The following SEMA5A variants were observed in gnomAD, a reference collection of about 807,000 sequenced individuals.
SEMA5A encodes the protein semaphorin-5A.
SEMA5A carries 55 observed loss-of-function variants against 135.5 expected under a neutral mutation model. The observed-to-expected ratio is 0.41, with a 90% CI of 0.33 to 0.51. The LOEUF is 0.51. Among genes scored for constraint, SEMA5A ranks in the 20% least tolerant of loss-of-function variants. SEMA5A has a pLI of 0.37. For synonymous variants in SEMA5A, 580 were observed against 546.5 expected (o/e 1.06, Z -0.85); for missense variants, 1,290 against 1,419.9 (o/e 0.91, Z 1.47).
At position 9,224,677 on chromosome 5, in the gene SEMA5A, T is replaced by G. The variant is rs1561042890; in HGVS notation, c.643A>C (p.Asn215His). 1 of 1,614,048 alleles carries G rather than the reference T, an allele frequency of 6.2e-7. No individual in the cohort carries two copies. Among genetic ancestry groups the G allele is most frequent in the East Asian group, 2.2e-5 (1 of 44,880 alleles). Reference sequence around the variant, plus strand: ...GAGGGAGTGACGGAAGGCTTACCATTGAGCCATTTGGAGTTGTACTGCGCC... The same window carrying G: ...GAGGGAGTGACGGAAGGCTTACCATGGAGCCATTTGGAGTTGTACTGCGCC... ...RTAQYNSKWL[N>H]EPNFVSSYDI... The change falls in exon 8 of 23, where the codon AAT (asparagine) becomes CAT (histidine). Residue 215 changes from asparagine to histidine, a missense_variant. By Grantham distance (68) the Asn-to-His change is moderately conservative. Around this residue, in one of 3 missense-constraint regions of SEMA5A, gnomAD observed 145 missense variants for 212.0 expected, o/e 0.68. Transcript: ENST00000382496.
intron 2 of SEMA5A, among the ~76,000 whole-genome samples, chr5:9,426,230 G>A (rs1757642095): frequency 6.6e-6 from 1 of 151,750 alleles, no homozygotes; most frequent in African/African-American, 2.4e-5. Flanking sequence ...GAGGTCAGGA[G>A]ATCAAGACCA....
chr5:9,270,895 C>T (rs1388952515), intron 5 of SEMA5A, among the ~76,000 whole-genome samples: 1 of 152,098 alleles, frequency 6.6e-6, no homozygotes, highest in African/African-American at 2.4e-5. Context: ...AGCCCATTGC[C>T]TATTTTCTGA....
intron 20 of SEMA5A, 64 bp from the exon 21 acceptor site, chr5:9,050,521 C>A: frequency 7.7e-7 from 1 of 1,297,018 alleles, no homozygotes. Context: ...CACATTCATG[C>A]TTCATGTATG....
chr5:9,317,321 C>G (rs995116076), intron 5 of SEMA5A, among the ~76,000 whole-genome samples: 1 of 151,870 alleles, frequency 6.6e-6, no homozygotes, highest in African/African-American at 2.4e-5. Context: ...CTCTTTTGAA[C>G]GTCTTACTTA....
At chr5:9,304,952 G>T (rs1751788988) in intron 5 of SEMA5A, among the ~76,000 whole-genome samples, 1 of 151,928 alleles carries the variant, frequency 6.6e-6, no homozygotes, top group Non-Finnish European at 1.5e-5. Flanking sequence ...TCTCCTTTTT[G>T]TCTAAATGCA....
At chr5:9,314,797 G>A (rs1168362985) in intron 5 of SEMA5A, among the ~76,000 whole-genome samples, 1 of 152,058 alleles carries the variant, frequency 6.6e-6, no homozygotes, top group Non-Finnish European at 1.5e-5. Context: ...ATATGAAAAA[G>A]CAGAATTGCC....
At position 9,459,007 on chromosome 5, in the gene SEMA5A, A is replaced by T. The variant is rs34125632; in HGVS notation, c.-174-21155T>A. ...GCCAATAATTTGATCTATTTTCACA[A>T]GAAAATATGAACCAGAATGATTTTT... On this transcript the variant is annotated intron_variant, in intron 1 of 22. Transcript: ENST00000382496. Among the ~76,000 whole-genome samples the T allele has an allele frequency of 5.3e-3, 808 of 152,326 alleles. 12 individuals carry two copies. Among genetic ancestry groups the T allele is most frequent in the African/African-American group, 0.018 (762 of 41,564 alleles).
chr5:9,305,694 C>CTG lies in SEMA5A; in HGVS notation c.270+12676_270+12677dup, dbSNP rs888490559. ...AGGATCTCAATATACAGTATATATA[C>CTG]TGTGTGTGTGTGCGTATATATATAT... On this transcript the variant is annotated intron_variant, in intron 5 of 22. Coordinates refer to ENST00000382496, the MANE Select transcript of SEMA5A (RefSeq NM_003966.3). Among the ~76,000 whole-genome samples, 202 of 104,678 alleles carry CTG rather than the reference C, an allele frequency of 1.9e-3. 1 individual carries two copies. The highest frequency in any genetic ancestry group is 5.2e-3 in the Admixed American group (46 of 8,778). 68.7% of individuals were successfully genotyped at this position (104,678 alleles called of 152,430 possible). A position where few individuals can be genotyped will look rare whatever the true frequency, so the allele number is the denominator to read the frequency against.
chr5:9,283,979 AAAAT>A (rs1340097296), intron 5 of SEMA5A, among the ~76,000 whole-genome samples: 1 of 151,372 alleles, frequency 6.6e-6, no homozygotes, highest in Non-Finnish European at 1.5e-5. Flanking sequence ...GTCTTACTAA[AAAAT>A]AGATAGATAG....
chr5:9,141,018 GTTC>G (rs1453169142), intron 12 of SEMA5A, among the ~76,000 whole-genome samples: 2 of 152,086 alleles, frequency 1.3e-5, no homozygotes, highest in Non-Finnish European at 2.9e-5. Flanking sequence ...GGTTCTGCAC[GTTC>G]TTAACATTAC....
At position 9,250,968 on chromosome 5, in the gene SEMA5A, G is replaced by A. The variant is rs575024905; in HGVS notation, c.271-13078C>T. Among the ~76,000 whole-genome samples the A allele has an allele frequency of 1.6e-4, 25 of 152,192 alleles. No homozygotes were observed. The South Asian group carries it at 2.3e-3, about 14-fold the overall frequency. Reference sequence around the variant, plus strand: ...GTTTTAATGCTCCACCAAAATTTATGTTGAAATTTAATTGCTGTTGTAAGT... The same window carrying A: ...GTTTTAATGCTCCACCAAAATTTATATTGAAATTTAATTGCTGTTGTAAGT... On this transcript the variant is annotated intron_variant, in intron 5 of 22. Coordinates refer to ENST00000382496, the MANE Select transcript of SEMA5A (RefSeq NM_003966.3).
At chr5:9,402,631 A>C (rs541659181) in intron 2 of SEMA5A, among the ~76,000 whole-genome samples, 52 of 152,282 alleles carry the variant, frequency 3.4e-4, no homozygotes, top group African/African-American at 1.2e-3. Context: ...CTACTCATCA[A>C]GGTTTTGGGG....
chr5:9,214,879 C>A (rs1331111739), intron 8 of SEMA5A, among the ~76,000 whole-genome samples: 1 of 152,202 alleles, frequency 6.6e-6, no homozygotes, highest in Non-Finnish European at 1.5e-5. Flanking sequence ...CAAGCATCAG[C>A]AATGCTCAAG....
At chr5:9,378,100 A>G (rs1239805903) in intron 3 of SEMA5A, among the ~76,000 whole-genome samples, 1 of 152,210 alleles carries the variant, frequency 6.6e-6, no homozygotes, top group Non-Finnish European at 1.5e-5. Context: ...AATAATTATA[A>G]TAATCAAAAT....
intron 3 of SEMA5A, among the ~76,000 whole-genome samples, chr5:9,358,718 A>G (rs1036061523): frequency 5.3e-5 from 8 of 152,254 alleles, no homozygotes; most frequent in African/African-American, 1.9e-4. Context: ...ATGAATGAAC[A>G]TAAGTCATTC....
At chr5:9,138,709 T>C (rs1227000429) in intron 12 of SEMA5A, among the ~76,000 whole-genome samples, 2 of 152,224 alleles carry the variant, frequency 1.3e-5, no homozygotes, top group Non-Finnish European at 2.9e-5. Context: ...CCAAGCAGTA[T>C]ACAATATCCA....
chr5:9,532,867 C>T (rs1482052760), intron 1 of SEMA5A, among the ~76,000 whole-genome samples: 3 of 152,140 alleles, frequency 2.0e-5, no homozygotes, highest in Non-Finnish European at 4.4e-5. Flanking sequence ...CTTTATGCTC[C>T]CTGCCAATAC....
chr5:9,173,566 G>A (rs1046339764), intron 11 of SEMA5A, among the ~76,000 whole-genome samples: 5 of 152,028 alleles, frequency 3.3e-5, no homozygotes, highest in African/African-American at 1.2e-4. Context: ...ATCTCTTTGG[G>A]ATCTCTTCTA....
chr5:9,208,586 C>T (rs1478070550), intron 8 of SEMA5A, among the ~76,000 whole-genome samples: 2 of 152,022 alleles, frequency 1.3e-5, no homozygotes, highest in Non-Finnish European at 2.9e-5. Context: ...GAGAAGGGGC[C>T]ACCCAGACAA....
Sources: allele counts gnomAD v4.1 joint callset (sites outside exome capture counted in the v4.1 genomes callset), GRCh38; gene constraint gnomAD v4.1.1; regional missense constraint gnomAD v4.1.1; transcripts MANE v1.5; gene names NCBI Gene and HGNC (gene_info 2026-07-23, HGNC 2026-07-21).